The following FILIP1 variants were observed in gnomAD, a reference collection of about 807,000 sequenced individuals.
FILIP1 encodes filamin A interacting protein 1.
In FILIP1, 61 loss-of-function variants were observed where a neutral mutation model predicts 102.1. The observed-to-expected ratio is 0.60, with a 90% CI of 0.49 to 0.74. The LOEUF is 0.74. Ranked by LOEUF, FILIP1 falls within the 30% of genes least tolerant of loss-of-function variation. The probability of loss-of-function intolerance (pLI) is 0.00; values close to 1 mark genes in which losing one functional copy is unlikely to be tolerated. For synonymous variants in FILIP1, 491 were observed against 526.9 expected (o/e 0.93, Z 0.93); for missense variants, 1,314 against 1,441.2 (o/e 0.91, Z 1.43).
intron 4 of FILIP1, among the ~76,000 whole-genome samples, chr6:75,316,006 T>A (rs917555269): frequency 4.6e-5 from 7 of 152,248 alleles, no homozygotes; most frequent in Non-Finnish European, 8.8e-5. Flanking sequence ...AGGATTTTTT[T>A]ATTTAAACAA....
chr6:75,341,588 A>G (rs1359901076), intron 4 of FILIP1, among the ~76,000 whole-genome samples: 2 of 151,884 alleles, frequency 1.3e-5, no homozygotes, highest in Admixed American at 1.3e-4. Context: ...TCTTAAATTT[A>G]TGCCTAGATA....
chr6:75,427,183 T>C (rs1471255132), intron 1 of FILIP1, among the ~76,000 whole-genome samples: 1 of 152,130 alleles, frequency 6.6e-6, no homozygotes, highest in Non-Finnish European at 1.5e-5. Flanking sequence ...AATCACCAGA[T>C]AAAATTTTAC....
chr6:75,459,528 G>A (rs140170581), intron 1 of FILIP1, among the ~76,000 whole-genome samples: 407 of 152,200 alleles, frequency 2.7e-3, no homozygotes, highest in African/African-American at 9.1e-3. Flanking sequence ...GCTATCATCC[G>A]ATCATTACAA....
intron 1 of FILIP1, chr6:75,453,919 T>A (rs1778726914): frequency 1.3e-5 from 6 of 456,026 alleles, no homozygotes; most frequent in South Asian, 9.3e-5. Context: ...GTGCCACTAA[T>A]GAAGACAGAA....
intron 2 of FILIP1, chr6:75,398,111 T>G (rs1776529132): frequency 6.6e-6 from 1 of 152,176 alleles, no homozygotes; most frequent in South Asian, 2.1e-4. Context: ...CAAGGTACAG[T>G]GTTCTTATTT....
At chr6:75,347,896 A>G (rs1774645786) in intron 4 of FILIP1, among the ~76,000 whole-genome samples, 2 of 152,220 alleles carry the variant, frequency 1.3e-5, no homozygotes, top group Admixed American at 6.5e-5. Flanking sequence ...TCTCTTAAGA[A>G]GCTGATTTGT....
chr6:75,383,453 C>T (rs60731193), intron 2 of FILIP1, among the ~76,000 whole-genome samples: 1,749 of 152,064 alleles, frequency 0.012, 41 homozygotes, highest in African/African-American at 0.04. Context: ...TCAGACCTAC[C>T]ATCAAAATTT....
chr6:75,326,272 C>T (rs1297548618), intron 4 of FILIP1, among the ~76,000 whole-genome samples: 1 of 152,112 alleles, frequency 6.6e-6, no homozygotes, highest in Non-Finnish European at 1.5e-5. Flanking sequence ...ATCATATGTT[C>T]TCACTTATAA....
intron 1 of FILIP1, among the ~76,000 whole-genome samples, chr6:75,417,922 G>T (rs1185651571): frequency 6.6e-6 from 1 of 152,162 alleles, no homozygotes; most frequent in Non-Finnish European, 1.5e-5. Flanking sequence ...CAGAGGCCAG[G>T]CGCGGTGGCT....
Position 75,463,112 on chromosome 6 carries a change from T to C in FILIP1, c.-7+30302A>G, listed in dbSNP as rs143142992. Among the ~76,000 whole-genome samples, 381 of 152,330 alleles carry C rather than the reference T, an allele frequency of 2.5e-3. 5 individuals are homozygous for C. Among genetic ancestry groups the C allele is most frequent in the African/African-American group, 8.4e-3 (350 of 41,586 alleles). On this transcript the variant is annotated intron_variant, in intron 1 of 5. Transcript: ENST00000237172. The stretch of plus-strand genomic sequence containing the variant: ...GTAAACAGATTAGCAAGAAAGGACA[T>C]ATCTGTGAGCAAAGGGCCAAAGAGT...
intron 4 of FILIP1, among the ~76,000 whole-genome samples, chr6:75,351,220 T>C (rs556305860): frequency 6.6e-6 from 1 of 152,058 alleles, no homozygotes. Context: ...CACACCACCA[T>C]GCCCGGCTAA....
At chr6:75,487,875 G>A (rs982740822) in intron 1 of FILIP1, among the ~76,000 whole-genome samples, 2 of 151,974 alleles carry the variant, frequency 1.3e-5, no homozygotes, top group Admixed American at 1.3e-4. Flanking sequence ...AGACTATAGG[G>A]TCCTTGGTCA....
chr6:75,400,707 C>T (rs1776627265), intron 2 of FILIP1, among the ~76,000 whole-genome samples: 1 of 151,936 alleles, frequency 6.6e-6, no homozygotes, highest in South Asian at 2.1e-4. Flanking sequence ...TGCTAAAGGC[C>T]ATGGGAGATT....
Position 75,312,610 on chromosome 6 carries a change from C to G in FILIP1, c.3222G>C (p.Gln1074His). 6.2e-7 allele frequency: 1 copy of G among 1,614,194 alleles called. No homozygotes were observed. Among genetic ancestry groups the G allele is most frequent in the Non-Finnish European group, 8.5e-7 (1 of 1,180,038 alleles). ...DNKIHIHLGSQFKRSPGTSGE... is the reference protein window; with the variant it reads ...DNKIHIHLGSHFKRSPGTSGE... The stretch of plus-strand genomic sequence containing the variant: ...CTGAAGTCCCAGGGGACCGTTTAAA[C>G]TGAGACCCTAAGTGAATGTGAATTT... The change falls in exon 5 of 6, where the codon CAG (glutamine) becomes CAC (histidine). Residue 1074 changes from glutamine to histidine, a missense_variant. Gln to His is a conservative substitution (Grantham distance 24). Around this residue, in one of 3 missense-constraint regions of FILIP1, gnomAD observed 816 missense variants for 913.1 expected, o/e 0.89. Coordinates refer to ENST00000237172, the MANE Select transcript of FILIP1 (RefSeq NM_015687.5).
At chr6:75,308,089 A>T (rs1273531329), downstream of FILIP1, 13 of 984,264 alleles carry the variant, frequency 1.3e-5, no homozygotes, top group Non-Finnish European at 1.6e-5. Context: ...TGTTCTTAGG[A>T]TTCCATATTT....
At chr6:75,347,774 G>A (rs999999923) in intron 4 of FILIP1, among the ~76,000 whole-genome samples, 1 of 152,064 alleles carries the variant, frequency 6.6e-6, no homozygotes, top group Non-Finnish European at 1.5e-5. Context: ...CCAGATATAT[G>A]ACCAACCCCC....
intron 1 of FILIP1, among the ~76,000 whole-genome samples, chr6:75,471,551 C>A (rs1350356888): frequency 6.6e-6 from 1 of 152,100 alleles, no homozygotes; most frequent in Non-Finnish European, 1.5e-5. Flanking sequence ...CCTGTCACCT[C>A]AAAATTCTAC....
intron 2 of FILIP1, among the ~76,000 whole-genome samples, chr6:75,399,613 T>C (rs1776587216): frequency 6.6e-6 from 1 of 152,062 alleles, no homozygotes; most frequent in Non-Finnish European, 1.5e-5. Flanking sequence ...GGTCACTGGG[T>C]TTGGGGTCAG....
chr6:75,431,864 T>G (rs1471532863), intron 1 of FILIP1, among the ~76,000 whole-genome samples: 2 of 152,078 alleles, frequency 1.3e-5, no homozygotes, highest in Non-Finnish European at 2.9e-5. Flanking sequence ...AATCAAAACC[T>G]CAAAAGATAA....
Sources: allele counts gnomAD v4.1 joint callset (sites outside exome capture counted in the v4.1 genomes callset), GRCh38; gene constraint gnomAD v4.1.1; regional missense constraint gnomAD v4.1.1; transcripts MANE v1.5; gene names NCBI Gene and HGNC (gene_info 2026-07-23, HGNC 2026-07-21).